The following OSBPL10 variants were observed in gnomAD, a reference collection of about 807,000 sequenced individuals.
OSBPL10 encodes oxysterol-binding protein-related protein 10.
Under a neutral mutation model 81.7 loss-of-function variants are expected in OSBPL10, and 49 were observed. The ratio of observed to expected loss-of-function variants is 0.60; its 90% CI spans 0.48 to 0.76. OSBPL10 has a LOEUF of 0.76. Among genes scored for constraint, OSBPL10 ranks in the 30% least tolerant of loss-of-function variants. OSBPL10 has a pLI of 0.00. For synonymous variants in OSBPL10, 419 were observed against 383.6 expected, an observed-to-expected ratio of 1.09 and a Z score of -1.08; for missense variants, 923 against 987.8, an observed-to-expected ratio of 0.93 and a Z score of 0.88.
chr3:31,912,035 A>G (rs1008150719), intron 1 of OSBPL10, among the ~76,000 whole-genome samples: 7 of 147,338 alleles, frequency 4.8e-5, no homozygotes, highest in Admixed American at 3.3e-4. Flanking sequence ...CAGTATGCCG[A>G]AAAAAACAGT....
chr3:31,691,590 G>T (rs1035857135), intron 7 of OSBPL10, among the ~76,000 whole-genome samples: 2 of 152,056 alleles, frequency 1.3e-5, no homozygotes, highest in African/African-American at 4.8e-5. Flanking sequence ...GTGTGGTGGT[G>T]CAAGCCTGTA....
At chr3:31,881,441 C>G (rs889682319) in intron 1 of OSBPL10, among the ~76,000 whole-genome samples, 3 of 152,282 alleles carry the variant, frequency 2.0e-5, no homozygotes, top group East Asian at 3.9e-4. Flanking sequence ...ACTACCAACT[C>G]AGGGACTTTT....
In OSBPL10 at chr3:32,054,168, A is replaced by G. The variant is rs184711954; in HGVS notation, n.186-7565T>C. 4.3e-3 allele frequency among the ~76,000 whole-genome samples: 657 copies of G among 152,288 alleles called. 5 individuals carry two copies. The highest frequency in any genetic ancestry group is 0.015 in the African/African-American group (630 of 41,560). ...AGTGAATGACTTATGGTAACCTGGG[A>G]TTCTATTTTAAAATATCAAGTGCTT... is the stretch of plus-strand genomic sequence containing the variant. On this transcript the variant is annotated intron_variant and non_coding_transcript_variant, in intron 1 of 3. Transcript: ENST00000479173.
intron 7 of OSBPL10, among the ~76,000 whole-genome samples, chr3:31,698,051 G>A (rs1018345398): frequency 5.9e-5 from 9 of 151,456 alleles, no homozygotes; most frequent in Admixed American, 2.6e-4. Flanking sequence ...CGTGAGCCAC[G>A]GTGCCTGGCC....
Position 31,926,230 on chromosome 3 carries a change from G to A in OSBPL10, c.282-46400C>T, listed in dbSNP as rs538843215. 8.7e-4 allele frequency among the ~76,000 whole-genome samples: 126 copies of A among 145,162 alleles called. No homozygotes were observed. The South Asian group carries it at 0.01, about 12-fold the overall frequency. On this transcript the variant is annotated intron_variant, in intron 1 of 11. Coordinates refer to ENST00000396556, the MANE Select transcript of OSBPL10 (RefSeq NM_017784.5). ...TTATAATAACATAAACAGTCAATTC[G>A]CCCTCAAAATCACTCTTTATAAAGC...
rs138377132 is a variant in OSBPL10 at position 31,945,956 on chromosome 3, T to G, written c.281+34943A>C. On this transcript the variant is annotated intron_variant, in intron 1 of 11. Coordinates refer to ENST00000396556, the MANE Select transcript of OSBPL10 (RefSeq NM_017784.5). ...CTCTTGCCATTAGGGATTGCCTGAA[T>G]CAACAGACACTACTAAGTTTTGGTT... 2.0e-5 allele frequency among the ~76,000 whole-genome samples: 3 copies of G among 152,072 alleles called. No homozygotes were observed. The East Asian group carries it at 5.8e-4, about 29-fold the overall frequency.
At chr3:31,825,528 G>A (rs1700079358) in intron 4 of OSBPL10, among the ~76,000 whole-genome samples, 1 of 151,934 alleles carries the variant, frequency 6.6e-6, no homozygotes, top group Non-Finnish European at 1.5e-5. Context: ...GTGTTGCCAG[G>A]GCTGGTCTTG....
intron 6 of OSBPL10, among the ~76,000 whole-genome samples, chr3:31,722,542 A>C (rs899276422): frequency 1.1e-4 from 17 of 152,212 alleles, no homozygotes; most frequent in African/African-American, 3.1e-4. Flanking sequence ...GGTAAACATA[A>C]GTGTAAGTCC....
chr3:32,004,000 T>C (rs1048414107), intron 2 of OSBPL10, among the ~76,000 whole-genome samples: 1 of 152,198 alleles, frequency 6.6e-6, no homozygotes, highest in Admixed American at 6.5e-5. Context: ...TTGTCACTTA[T>C]AGCACAGCAG....
upstream of OSBPL10, among the ~76,000 whole-genome samples, chr3:31,982,075 A>G (rs1295664677): frequency 6.6e-6 from 1 of 152,160 alleles, no homozygotes; most frequent in Non-Finnish European, 1.5e-5. Flanking sequence ...AATGGCACGC[A>G]TAAACCTGGC....
At chr3:31,938,582 C>T (rs1357587864) in intron 1 of OSBPL10, among the ~76,000 whole-genome samples, 2 of 152,122 alleles carry the variant, frequency 1.3e-5, no homozygotes, top group Non-Finnish European at 2.9e-5. Context: ...GATCATGGCT[C>T]ACTGCAGCCT....
At chr3:31,996,999 T>C (rs1699096187) in intron 2 of OSBPL10, among the ~76,000 whole-genome samples, 1 of 152,208 alleles carries the variant, frequency 6.6e-6, no homozygotes, top group Non-Finnish European at 1.5e-5. Context: ...GAGATTCATC[T>C]TGATGCAAAG....
chr3:31,893,853 G>A (rs1178200904), intron 1 of OSBPL10, among the ~76,000 whole-genome samples: 1 of 152,188 alleles, frequency 6.6e-6, no homozygotes, highest in East Asian at 1.9e-4. Context: ...GTGGGAGCAG[G>A]ATTAGCTGCA....
At chr3:31,869,665 G>T (rs1302121870) in intron 3 of OSBPL10, among the ~76,000 whole-genome samples, 1 of 152,172 alleles carries the variant, frequency 6.6e-6, no homozygotes, top group East Asian at 1.9e-4. Flanking sequence ...ACTAGGATGG[G>T]AGATGGAAAG....
At chr3:31,877,197 C>T (rs1701496534) in intron 2 of OSBPL10, among the ~76,000 whole-genome samples, 1 of 152,184 alleles carries the variant, frequency 6.6e-6, no homozygotes, top group South Asian at 2.1e-4. Flanking sequence ...AGCCACTGCA[C>T]CCGGCCTCAA....
intron 5 of OSBPL10, among the ~76,000 whole-genome samples, chr3:31,734,846 C>T (rs998755717): frequency 2.6e-5 from 4 of 152,222 alleles, no homozygotes; most frequent in Non-Finnish European, 5.9e-5. Flanking sequence ...TAAAGTACAG[C>T]ATGACTCATG....
intron 1 of OSBPL10, among the ~76,000 whole-genome samples, chr3:31,892,635 C>CT (rs1233124720): frequency 1.3e-5 from 2 of 152,230 alleles, no homozygotes; most frequent in East Asian, 3.8e-4. Context: ...GGGATCATGC[C>CT]TGGGCTGTCC....
intron 4 of OSBPL10, among the ~76,000 whole-genome samples, chr3:31,758,393 C>T (rs1293328394): frequency 6.6e-6 from 1 of 152,198 alleles, no homozygotes; most frequent in African/African-American, 2.4e-5. Context: ...CTCAGAGAAA[C>T]CCTGAAAACA....
intron 3 of OSBPL10, among the ~76,000 whole-genome samples, chr3:31,874,896 C>G (rs1027327869): frequency 6.6e-6 from 1 of 151,902 alleles, no homozygotes; most frequent in African/African-American, 2.4e-5. Flanking sequence ...TATATATGCA[C>G]AAAGACGTCA....
Sources: allele counts gnomAD v4.1 joint callset (sites outside exome capture counted in the v4.1 genomes callset), GRCh38; gene constraint gnomAD v4.1.1; transcripts MANE v1.5; gene names NCBI Gene and HGNC (gene_info 2026-07-23, HGNC 2026-07-21).